Variants in OR56A3 observed in about 807,000 individuals in gnomAD.
OR56A3 encodes olfactory receptor family 56 subfamily A member 3.
A neutral mutation model predicts 17.5 loss-of-function variants in OR56A3; 23 were observed. That is an observed-to-expected ratio of 1.32 (90% CI 0.95 to 1.87). The LOEUF is 1.87. Ranked by LOEUF, OR56A3 falls within the 40% of genes most tolerant of loss-of-function variation. The pLI, the probability that OR56A3 is intolerant of heterozygous loss-of-function variation, is 0.00. For missense variants in OR56A3, 366 were observed against 380.1 expected, an observed-to-expected ratio of 0.96 and a Z score of 0.31; for synonymous variants, 175 against 150.6, an observed-to-expected ratio of 1.16 and a Z score of -1.19.
the OR56A3 span, among the ~76,000 whole-genome samples, chr11:5,969,420 T>C: frequency 1.3e-5 from 2 of 152,226 alleles, no homozygotes; most frequent in African/African-American, 4.8e-5. Context: ...GCAAGTCCTC[T>C]ACTTCCCATG....
At chr11:5,995,316 C>T in the OR56A3 span, among the ~76,000 whole-genome samples, 4 of 152,214 alleles carry the variant, frequency 2.6e-5, no homozygotes, top group African/African-American at 4.8e-5. Context: ...ACACTTATAG[C>T]GTGTTGCAAT....
At chr11:6,003,356 ATTG>A in the OR56A3 span, among the ~76,000 whole-genome samples, 6 of 152,218 alleles carry the variant, frequency 3.9e-5, no homozygotes, top group African/African-American at 1.4e-4. Flanking sequence ...AGTATCATTT[ATTG>A]TTGTGCGTTT....
the OR56A3 span, chr11:5,986,662 A>G: frequency 1.9e-6 from 3 of 1,613,832 alleles, no homozygotes; most frequent in Admixed American, 5.0e-5. Flanking sequence ...GGAGGCCAGA[A>G]CCAGGTCGAT....
chr11:5,979,535 T>G, the OR56A3 span, among the ~76,000 whole-genome samples: 2 of 152,150 alleles, frequency 1.3e-5, no homozygotes, highest in Non-Finnish European at 2.9e-5. Flanking sequence ...CTCTGAAAAC[T>G]TTCCGTATTT....
downstream of OR56A3, among the ~76,000 whole-genome samples, chr11:5,955,275 T>C (rs993491886): frequency 1.3e-5 from 2 of 152,192 alleles, no homozygotes; most frequent in African/African-American, 4.8e-5. Context: ...AGAAACAAGC[T>C]GATCAGCTTG....
At chr11:5,944,157 T>C (rs2134360154) in intron 1 of OR56A3, among the ~76,000 whole-genome samples, 1 of 152,314 alleles carries the variant, frequency 6.6e-6, no homozygotes, top group East Asian at 1.9e-4. Context: ...TATGTCTTAC[T>C]CTCAGTGAGC....
the OR56A3 span, among the ~76,000 whole-genome samples, chr11:5,988,233 A>T: frequency 6.6e-6 from 1 of 152,202 alleles, no homozygotes; most frequent in African/African-American, 2.4e-5. Context: ...GATTATGTTC[A>T]GAGCACTTTA....
the OR56A3 span, chr11:5,985,983 C>G: frequency 1.9e-6 from 3 of 1,612,040 alleles, no homozygotes; most frequent in East Asian, 6.7e-5. Context: ...GCTGGCGGAT[C>G]TGCTGAGTCT....
chr11:5,964,651 G>T, the OR56A3 span, among the ~76,000 whole-genome samples: 5 of 152,328 alleles, frequency 3.3e-5, no homozygotes, highest in Non-Finnish European at 7.3e-5. Context: ...GGAGTCCAAG[G>T]CTACTATAGT....
chr11:6,010,428 G>A, the OR56A3 span, among the ~76,000 whole-genome samples: 9 of 152,184 alleles, frequency 5.9e-5, no homozygotes, highest in African/African-American at 1.9e-4. Flanking sequence ...ATTAGGGCAT[G>A]AGAGATATTC....
intron 1 of OR56A3, among the ~76,000 whole-genome samples, chr11:5,944,588 A>G (rs1312726098): frequency 1.3e-5 from 2 of 152,244 alleles, no homozygotes; most frequent in Non-Finnish European, 2.9e-5. Context: ...ACCTGAATGA[A>G]TTATTTAGAC....
the OR56A3 span, among the ~76,000 whole-genome samples, chr11:6,012,926 C>A: frequency 6.6e-6 from 1 of 152,202 alleles, no homozygotes; most frequent in Non-Finnish European, 1.5e-5. Context: ...CAACTCTGCT[C>A]TGAGATCTGT....
At chr11:5,996,741 C>T in the OR56A3 span, among the ~76,000 whole-genome samples, 1 of 152,174 alleles carries the variant, frequency 6.6e-6, no homozygotes, top group Non-Finnish European at 1.5e-5. Context: ...GGCCAGATTC[C>T]AAAGAAATAA....
intron 2 of OR56A3, among the ~76,000 whole-genome samples, chr11:5,946,883 C>A (rs1847873138): frequency 6.6e-6 from 1 of 152,154 alleles, no homozygotes; most frequent in Non-Finnish European, 1.5e-5. Context: ...TGAGTCCCTT[C>A]CTTGTGCCAG....
intron 2 of OR56A3, among the ~76,000 whole-genome samples, chr11:5,945,740 G>C (rs906749809): frequency 3.2e-4 from 48 of 152,082 alleles, no homozygotes; most frequent in African/African-American, 1.1e-3. Context: ...GTTTGTAAGT[G>C]GTGATAATGA....
Position 5,947,490 on chromosome 11 carries a change from C to A in OR56A3, c.144C>A (p.Thr48=), listed in dbSNP as rs749996257. 1 of 1,613,998 alleles carries A rather than the reference C, an allele frequency of 6.2e-7. No homozygotes were observed. Among genetic ancestry groups the A allele is most frequent in the Admixed American group, 1.7e-5 (1 of 60,018 alleles). Reference sequence around the variant, plus strand: ...TCTTGGCCGTAGGGGCCAACACCACCCTCCTGATGACCATCTGGCTGGAGG... The same window carrying A: ...TCTTGGCCGTAGGGGCCAACACCACACTCCTGATGACCATCTGGCTGGAGG... ...LFLLAVGANT[T]LLMTIWLEAS... The change falls in exon 3 of 3, where the codon ACC becomes ACA. Residue 48 remains threonine (T), a synonymous_variant. Transcript: ENST00000641160.
chr11:5,958,851 A>G, the OR56A3 span, among the ~76,000 whole-genome samples: 1 of 152,124 alleles, frequency 6.6e-6, no homozygotes, highest in Non-Finnish European at 1.5e-5. Flanking sequence ...CAGCTTTTTT[A>G]GATTCCACAT....
the OR56A3 span, among the ~76,000 whole-genome samples, chr11:6,014,534 A>C: frequency 6.6e-6 from 1 of 152,242 alleles, no homozygotes; most frequent in Admixed American, 6.5e-5. Context: ...CACCAGAAGC[A>C]GATGCTGTTA....
At chr11:6,003,783 C>G in the OR56A3 span, among the ~76,000 whole-genome samples, 2 of 152,086 alleles carry the variant, frequency 1.3e-5, no homozygotes, top group Admixed American at 6.6e-5. Flanking sequence ...ATCAAATGAG[C>G]TGAAGTTCAC....
Sources: gnomAD v4.1 joint callset for allele counts (sites outside exome capture counted in the v4.1 genomes callset) on GRCh38, gnomAD v4.1.1 for gene constraint, MANE v1.5 for transcripts, NCBI Gene and HGNC (gene_info 2026-07-23, HGNC 2026-07-21) for gene names.